Variants in GADD45B observed in about 807,000 individuals in gnomAD.
GADD45B encodes the protein growth arrest and DNA damage-inducible protein GADD45 beta.
Under a neutral mutation model 15.2 loss-of-function variants are expected in GADD45B, and 8 were observed. The observed-to-expected ratio is 0.53, with a 90% confidence interval of 0.31 to 0.95. The LOEUF is 0.95. Among genes scored for constraint, GADD45B ranks in the 40% least tolerant of loss-of-function variants. The probability of loss-of-function intolerance (pLI) is 0.05; values close to 1 mark genes in which losing one functional copy is unlikely to be tolerated. For synonymous variants in GADD45B, 100 were observed against 89.8 expected, an observed-to-expected ratio of 1.11 and a Z score of -0.64; for missense variants, 162 against 216.6, an observed-to-expected ratio of 0.75 and a Z score of 1.58.
Position 2,477,179 on chromosome 19 carries a change from G to GGGGC in GADD45B, c.297_298insGGGC (p.Gln100GlyfsTer85). ...GGGTGTCGGGCATGCAGCGCCTGGC[G>GGGGC]CAGCTCCTGGGAGAGCCGGCCGAGA... On this transcript the variant is annotated frameshift_variant, in exon 3 of 4. Coordinates refer to ENST00000215631, the MANE Select transcript of GADD45B (RefSeq NM_015675.4). LOFTEE classifies it high-confidence loss of function. This position sits in a 1 kb window ranked among gnomAD's most constrained non-coding sequence, Gnocchi z 4.2. The GGGGC allele has an allele frequency of 6.2e-7, 1 of 1,612,314 alleles. No individual in the cohort carries two copies. The highest frequency in any genetic ancestry group is 1.7e-5 in the Admixed American group (1 of 60,002).
Position 2,477,679 on chromosome 19 carries a change from C to A in GADD45B, c.*78C>A. 1 of 655,116 alleles carries A rather than the reference C, an allele frequency of 1.5e-6. No homozygotes were observed. The allele number at this position is 655,116 out of a possible 1,614,324, so 40.6% of individuals were successfully genotyped here. A position where few individuals can be genotyped will look rare whatever the true frequency, so the allele number is the denominator to read the frequency against. ...AATAAATATTTGAACCCCCTCCCCCCCAGCACAACCCCCCCAAAACAACCC... is the reference window on the plus strand; with the variant it reads ...AATAAATATTTGAACCCCCTCCCCCACAGCACAACCCCCCCAAAACAACCC... On this transcript the variant is annotated 3_prime_UTR_variant, in exon 4 of 4. Transcript: ENST00000215631. This position sits in a 1 kb window ranked among gnomAD's most constrained non-coding sequence, Gnocchi z 4.2.
intron 1 of GADD45B, 29 bp from the exon 2 acceptor site, chr19:2,476,500 C>T (rs1433209774): frequency 1.9e-6 from 3 of 1,600,398 alleles, no homozygotes; most frequent in Non-Finnish European, 2.6e-6. Context: ...GTGGTCCGCC[C>T]GTCACTGATC....
chr19:2,477,704 C>G lies in GADD45B; in HGVS notation c.*103C>G. The G allele has an allele frequency of 4.9e-6, 3 of 610,798 alleles. No homozygotes were observed. The highest frequency in any genetic ancestry group is 8.8e-6 in the Non-Finnish European group (3 of 340,104). 37.8% of individuals were successfully genotyped at this position (610,798 alleles called of 1,614,324 possible). ...CCAGCACAACCCCCCCAAAACAACC[C>G]AACCCACGAGGACCATCGGGGGCAG... On this transcript the variant is annotated 3_prime_UTR_variant, in exon 4 of 4. Coordinates refer to ENST00000215631, the MANE Select transcript of GADD45B (RefSeq NM_015675.4). The surrounding 1 kb of genome is among the most constrained non-coding windows in gnomAD (Gnocchi z 4.2).
At position 2,476,335 on chromosome 19, in the gene GADD45B, T is replaced by C; in HGVS notation, c.-24T>C. ...CCCTGGGGACTGCCGTGGAGCCGCATCCACTGTGGATTATAATTGCAACAT... is the reference window on the plus strand; with the variant it reads ...CCCTGGGGACTGCCGTGGAGCCGCACCCACTGTGGATTATAATTGCAACAT... On this transcript the variant is annotated 5_prime_UTR_variant, in exon 1 of 4. Coordinates refer to ENST00000215631, the MANE Select transcript of GADD45B (RefSeq NM_015675.4). The C allele has an allele frequency of 6.2e-7, 1 of 1,613,224 alleles. No individual in the cohort carries two copies. Among genetic ancestry groups the C allele is most frequent in the Non-Finnish European group, 8.5e-7 (1 of 1,179,378 alleles).
In GADD45B at chr19:2,477,600, GA is replaced by G; in HGVS notation, c.483del (p.Ter161TrpfsTer10). 6.4e-7 allele frequency: 1 copy of G among 1,555,680 alleles called. No individual in the cohort carries two copies. The highest frequency in any genetic ancestry group is 8.9e-7 in the Non-Finnish European group (1 of 1,127,122). ...CCCTACATCTCTCTTCAGGAACGCT[GA>G]GGCCCTTCCCAGCAGCAGAATCTGT... ...WVPYISLQER[*>X] is the part of the protein sequence containing the mutation. On this transcript the variant is annotated frameshift_variant and stop_lost, in exon 4 of 4. Transcript: ENST00000215631. LOFTEE classifies it high-confidence loss of function. This position sits in a 1 kb window ranked among gnomAD's most constrained non-coding sequence, Gnocchi z 4.2.
chr19:2,476,951 C>CT (rs1000209599), intron 2 of GADD45B, 78 bp from the exon 3 acceptor site: 5 of 941,256 alleles, frequency 5.3e-6, no homozygotes, highest in East Asian at 2.5e-5. Context: ...TTGCACGCTC[C>CT]TTTTTTGCAA....
In GADD45B at chr19:2,477,054, C is replaced by T; in HGVS notation, c.172C>T (p.Leu58Phe). Residue 58 changes from leucine to phenylalanine, a missense_variant, in exon 3 of 4, where the codon CTC (leucine) becomes TTC (phenylalanine). Transcript: ENST00000215631. The surrounding 1 kb of genome is among the most constrained non-coding windows in gnomAD (Gnocchi z 4.2). ...GGACCCAGACAGCGTGGTCCTCTGC[C>T]TCTTGGCCATTGACGAGGAGGAGGA... ...NVDPDSVVLC[L>F]LAIDEEEEDD... 1.9e-6 allele frequency: 3 copies of T among 1,613,822 alleles called. No individual in the cohort carries two copies. Among genetic ancestry groups the T allele is most frequent in the Non-Finnish European group, 2.5e-6 (3 of 1,179,840 alleles).
Position 2,477,299 on chromosome 19 carries a change from G to T in GADD45B, c.369+48G>T. ...CCCGCCACGCCCGGGCACCTGGGCC[G>T]GTGTTTGTCAACAAAGTCGGGCTGA... is the stretch of plus-strand genomic sequence containing the variant. On this transcript the variant is annotated intron_variant, in intron 3 of 3. Coordinates refer to ENST00000215631, the MANE Select transcript of GADD45B (RefSeq NM_015675.4). The surrounding 1 kb of genome is among the most constrained non-coding windows in gnomAD (Gnocchi z 4.2). 7.5e-7 allele frequency: 1 copy of T among 1,330,816 alleles called. No individual in the cohort carries two copies. Among genetic ancestry groups the T allele is most frequent in the Non-Finnish European group, 1.0e-6 (1 of 972,856 alleles). The allele number at this position is 1,330,816 out of a possible 1,614,324, so 82.4% of individuals were successfully genotyped here. A position where few individuals can be genotyped will look rare whatever the true frequency, so the allele number is the denominator to read the frequency against.
chr19:2,476,851 C>T, intron 2 of GADD45B, 178 bp from the exon 3 acceptor site: 1 of 613,942 alleles, frequency 1.6e-6, no homozygotes, highest in Non-Finnish European at 2.9e-6. Flanking sequence ...TCCCCCTACC[C>T]CATACTTTGA....
Position 2,477,581 on chromosome 19 carries a change from ATC to A in GADD45B, c.469_470del (p.Leu157SerfsTer26). The part of the protein sequence containing the change: ...SRGNNQWVPY[I>X]SLQER ...GGGCAACAACCAGTGGGTCCCCTAC[ATC>A]TCTCTTCAGGAACGCTGAGGCCCTT... On this transcript the variant is annotated frameshift_variant, in exon 4 of 4. Coordinates refer to ENST00000215631, the MANE Select transcript of GADD45B (RefSeq NM_015675.4). LOFTEE classifies it high-confidence loss of function. This position sits in a 1 kb window ranked among gnomAD's most constrained non-coding sequence, Gnocchi z 4.2. 1 of 1,604,454 alleles carries A rather than the reference ATC, an allele frequency of 6.2e-7. No individual in the cohort carries two copies. Among genetic ancestry groups the A allele is most frequent in the South Asian group, 1.1e-5 (1 of 90,870 alleles).
Position 2,477,889 on chromosome 19 carries a change from C to A in GADD45B, c.*288C>A. 1 of 284,366 alleles carries A rather than the reference C, an allele frequency of 3.5e-6. No individual in the cohort carries two copies. The highest frequency in any genetic ancestry group is 3.7e-5 in the South Asian group (1 of 26,686). 17.6% of individuals were successfully genotyped at this position (284,366 alleles called of 1,614,324 possible). Reference sequence around the variant, plus strand: ...CCGAAGCTGAGGCCTTGGGATGGAGCAGAAGCCGGAGTGGCGGGGCACGCT... The same window carrying A: ...CCGAAGCTGAGGCCTTGGGATGGAGAAGAAGCCGGAGTGGCGGGGCACGCT... On this transcript the variant is annotated 3_prime_UTR_variant, in exon 4 of 4. Transcript: ENST00000215631. This position sits in a 1 kb window ranked among gnomAD's most constrained non-coding sequence, Gnocchi z 4.2.
rs1320473706 is a variant in GADD45B at position 2,477,746 on chromosome 19, A to T, written c.*145A>T. 27 of 496,446 alleles carry T rather than the reference A, an allele frequency of 5.4e-5. No individual in the cohort carries two copies. Among genetic ancestry groups the T allele is most frequent in the Non-Finnish European group, 1.8e-5 (5 of 273,740 alleles). The allele number at this position is 496,446 out of a possible 1,614,324, so 30.8% of individuals were successfully genotyped here. The stretch of plus-strand genomic sequence containing the variant: ...CGGGGGCAGAGTCGTTGGAGACTGA[A>T]GAGGAAGAGGAGGAGGAGAAGGGGA... On this transcript the variant is annotated 3_prime_UTR_variant, in exon 4 of 4. Coordinates refer to ENST00000215631, the MANE Select transcript of GADD45B (RefSeq NM_015675.4). The surrounding 1 kb of genome is among the most constrained non-coding windows in gnomAD (Gnocchi z 4.2).
Position 2,477,350 on chromosome 19 carries a change from G to A in GADD45B, c.369+99G>A. 1 of 1,031,982 alleles carries A rather than the reference G, an allele frequency of 9.7e-7. No individual in the cohort carries two copies. Among genetic ancestry groups the A allele is most frequent in the Non-Finnish European group, 1.4e-6 (1 of 709,860 alleles). The allele number at this position is 1,031,982 out of a possible 1,614,324, so 63.9% of individuals were successfully genotyped here. Reference sequence around the variant, plus strand: ...CTGGTCCTGCACAGCTCAGCGCTCAGCCACGTTTGGCATGTCCCGTGGGCA... The same window carrying A: ...CTGGTCCTGCACAGCTCAGCGCTCAACCACGTTTGGCATGTCCCGTGGGCA... On this transcript the variant is annotated intron_variant, in intron 3 of 3. Transcript: ENST00000215631. This position sits in a 1 kb window ranked among gnomAD's most constrained non-coding sequence, Gnocchi z 4.2.
Position 2,476,673 on chromosome 19 carries a change from G to T in GADD45B, c.146+43G>T, listed in dbSNP as rs769776936. 7 of 1,192,520 alleles carry T rather than the reference G, an allele frequency of 5.9e-6. No homozygotes were observed. In the East Asian group the frequency reaches 1.7e-4, roughly 28 times the overall value. 73.9% of individuals were successfully genotyped at this position (1,192,520 alleles called of 1,614,324 possible). On this transcript the variant is annotated intron_variant, in intron 2 of 3. Coordinates refer to ENST00000215631, the MANE Select transcript of GADD45B (RefSeq NM_015675.4). Reference sequence around the variant, plus strand: ...CCCGGGCTGGGCGCGGGTGGGACGGGACCTCCCCTCCGCTCTGGACGCTTT... The same window carrying T: ...CCCGGGCTGGGCGCGGGTGGGACGGTACCTCCCCTCCGCTCTGGACGCTTT...
rs1972313250 is a variant in GADD45B, at chr19:2,476,397, G to C, written c.39G>C (p.Ala13=). ...LEELVACDNA[A]QKMQTVTAAV... ...AGCTCGTGGCGTGCGACAACGCGGC[G>C]CAGAAGTAAGTAGCCGGGGCTGCCG... Residue 13 remains alanine, a synonymous_variant, in exon 1 of 4, where the codon GCG becomes GCC. Coordinates refer to ENST00000215631, the MANE Select transcript of GADD45B (RefSeq NM_015675.4). 1 of 1,613,458 alleles carries C rather than the reference G, an allele frequency of 6.2e-7. No homozygotes were observed. Among genetic ancestry groups the C allele is most frequent in the East Asian group, 2.2e-5 (1 of 44,870 alleles).
In GADD45B at chr19:2,477,772, G is replaced by C; in HGVS notation, c.*171G>C. On this transcript the variant is annotated 3_prime_UTR_variant, in exon 4 of 4. Coordinates refer to ENST00000215631, the MANE Select transcript of GADD45B (RefSeq NM_015675.4). The surrounding 1 kb of genome is among the most constrained non-coding windows in gnomAD (Gnocchi z 4.2). ...GAGGAAGAGGAGGAGGAGAAGGGGAGTGAGCGGCCGCCCCCAGGGCGGAGA... is the reference window on the plus strand; with the variant it reads ...GAGGAAGAGGAGGAGGAGAAGGGGACTGAGCGGCCGCCCCCAGGGCGGAGA... 2.2e-6 allele frequency: 1 copy of C among 458,060 alleles called. No individual in the cohort carries two copies. The highest frequency in any genetic ancestry group is 4.0e-5 in the East Asian group (1 of 25,062). The allele number at this position is 458,060 out of a possible 1,614,324, so 28.4% of individuals were successfully genotyped here. A position where few individuals can be genotyped will look rare whatever the true frequency, so the allele number is the denominator to read the frequency against.
chr19:2,477,251 G>A lies in GADD45B; in HGVS notation c.369G>A (p.Thr123=), dbSNP rs776634872. The A allele has an allele frequency of 1.9e-6, 3 of 1,553,786 alleles. No individual in the cohort carries two copies. Among genetic ancestry groups the A allele is most frequent in the South Asian group, 2.4e-5 (2 of 84,380 alleles). ...GAGACCTGCATTGTCTCCTGGTCAC[G>A]GTGAGTCGGGCCTCTGCCCTGCCCC... ...EARDLHCLLV[T]NPHTDAWKSH... Residue 123 remains threonine (T), a splice_region_variant and synonymous_variant, in exon 3 of 4, where the codon ACG becomes ACA. Transcript: ENST00000215631. This position sits in a 1 kb window ranked among gnomAD's most constrained non-coding sequence, Gnocchi z 4.2.
At position 2,476,371 on chromosome 19, in the gene GADD45B, G is replaced by C; in HGVS notation, c.13G>C (p.Glu5Gln). The C allele has an allele frequency of 1.2e-6, 2 of 1,613,908 alleles. No homozygotes were observed. The highest frequency in any genetic ancestry group is 1.7e-6 in the Non-Finnish European group (2 of 1,179,998). The change falls in exon 1 of 4, where the codon GAG becomes CAG. Residue 5 changes from glutamate (E) to glutamine (Q), a missense_variant. Physicochemically the swap from Glu to Gln is conservative, Grantham distance 29. Coordinates refer to ENST00000215631, the MANE Select transcript of GADD45B (RefSeq NM_015675.4). ...TTATAATTGCAACATGACGCTGGAA[G>C]AGCTCGTGGCGTGCGACAACGCGGC... MTLEELVACDNAAQK... is the reference protein window; with the variant it reads MTLEQLVACDNAAQK...
Position 2,477,400 on chromosome 19 carries a change from G to A in GADD45B, c.370-88G>A, listed in dbSNP as rs1049513876. 7 of 1,061,228 alleles carry A rather than the reference G, an allele frequency of 6.6e-6. No individual in the cohort carries two copies. The African/African-American group carries it at 7.9e-5, about 12-fold the overall frequency. The allele number at this position is 1,061,228 out of a possible 1,614,324, so 65.7% of individuals were successfully genotyped here. On this transcript the variant is annotated intron_variant, in intron 3 of 3. Transcript: ENST00000215631. The surrounding 1 kb of genome is among the most constrained non-coding windows in gnomAD (Gnocchi z 4.2). ...AGCCGGGCTGGGGCCTCCTCACCCA[G>A]GAAGCTATTTTGAGCCTGACTGTTT...
Sources: allele counts gnomAD v4.1 joint callset, GRCh38; gene constraint gnomAD v4.1.1; non-coding constraint Gnocchi (gnomAD v3.1); transcripts MANE v1.5; gene names NCBI Gene and HGNC (gene_info 2026-07-23, HGNC 2026-07-21).